UNC5D: variants seen among roughly 807,000 people sequenced by gnomAD.
UNC5D encodes the protein netrin receptor UNC5D.
Under a neutral mutation model 105.4 loss-of-function variants are expected in UNC5D, and 39 were observed. That is an observed-to-expected ratio of 0.37 (90% confidence interval 0.29 to 0.48). UNC5D has a LOEUF of 0.48. Ranked by LOEUF, UNC5D falls within the 20% of genes least tolerant of loss-of-function variation. The pLI is 0.98. For missense variants in UNC5D, 991 were observed against 1,202.4 expected (o/e 0.82, Z 2.60); for synonymous variants, 452 against 450.4 (o/e 1.00, Z -0.04).
intron 11 of UNC5D, among the ~76,000 whole-genome samples, chr8:35,732,055 C>T (rs1299777048): frequency 6.6e-6 from 1 of 152,182 alleles, no homozygotes; most frequent in African/African-American, 2.4e-5. Context: ...AAAGCAATTT[C>T]TCTCATAAAC....
chr8:35,329,187 A>G (rs542794040), intron 1 of UNC5D, among the ~76,000 whole-genome samples: 1 of 152,270 alleles, frequency 6.6e-6, no homozygotes, highest in East Asian at 1.9e-4. Flanking sequence ...CAGAGAGGTT[A>G]AATAACATGC....
chr8:35,463,773 A>G (rs1045490921), intron 1 of UNC5D, among the ~76,000 whole-genome samples: 2 of 151,692 alleles, frequency 1.3e-5, no homozygotes, highest in Non-Finnish European at 2.9e-5. Context: ...CCTGGGCAAC[A>G]GAGCAATAAC....
intron 1 of UNC5D, among the ~76,000 whole-genome samples, chr8:35,409,019 A>G (rs1028954189): frequency 6.6e-6 from 1 of 152,150 alleles, no homozygotes; most frequent in African/African-American, 2.4e-5. Context: ...CTTATAAATA[A>G]ATCACACAGT....
chr8:35,474,902 C>T (rs1437114043), intron 1 of UNC5D, among the ~76,000 whole-genome samples: 2 of 152,140 alleles, frequency 1.3e-5, no homozygotes, highest in African/African-American at 2.4e-5. Flanking sequence ...TCATGCACAT[C>T]CCCTTAGGTG....
intron 1 of UNC5D, among the ~76,000 whole-genome samples, chr8:35,290,329 A>G (rs1806949158): frequency 6.6e-6 from 1 of 152,158 alleles, no homozygotes; most frequent in African/African-American, 2.4e-5. Context: ...AAAAGGGGAA[A>G]ATGCTGTCAC....
Position 35,726,549 on chromosome 8 carries a change from TTG to T in UNC5D, c.1681+24_1681+25del. On this transcript the variant is annotated intron_variant, in intron 10 of 16. Transcript: ENST00000404895. ...ATACAGGTGGGTGGTAAGTGTGTGT[TTG>T]TGTATTTTCCATCATTTAAATGTTT... 6.2e-7 allele frequency: 1 copy of T among 1,602,872 alleles called. No individual in the cohort carries two copies. The highest frequency in any genetic ancestry group is 1.1e-5 in the South Asian group (1 of 90,700).
intron 7 of UNC5D, among the ~76,000 whole-genome samples, chr8:35,696,797 C>A (rs1406538784): frequency 6.6e-6 from 1 of 152,108 alleles, no homozygotes; most frequent in African/African-American, 2.4e-5. Flanking sequence ...ATTAACCCTG[C>A]CCTTCCCCAT....
intron 1 of UNC5D, among the ~76,000 whole-genome samples, chr8:35,493,968 A>G (rs1230921367): frequency 2.6e-5 from 4 of 152,194 alleles, no homozygotes; most frequent in African/African-American, 9.6e-5. Flanking sequence ...TTTTAAAATA[A>G]CCAATATTTG....
chr8:35,462,094 A>G (rs188479155), intron 1 of UNC5D, among the ~76,000 whole-genome samples: 242 of 152,264 alleles, frequency 1.6e-3, no homozygotes, highest in African/African-American at 5.6e-3. Context: ...TTCATTTTGA[A>G]TATTAGTATT....
intron 1 of UNC5D, among the ~76,000 whole-genome samples, chr8:35,402,165 T>C (rs779659574): frequency 6.6e-6 from 1 of 152,208 alleles, no homozygotes; most frequent in East Asian, 1.9e-4. Flanking sequence ...CTTTATTTCA[T>C]TTATCTGTCA....
intron 1 of UNC5D, among the ~76,000 whole-genome samples, chr8:35,520,707 T>C (rs1392798081): frequency 6.6e-6 from 1 of 151,818 alleles, no homozygotes; most frequent in Non-Finnish European, 1.5e-5. Context: ...CATGAACATA[T>C]AAAGGAGGGA....
At chr8:35,239,323 G>T (rs543129964) in intron 1 of UNC5D, among the ~76,000 whole-genome samples, 7 of 152,080 alleles carry the variant, frequency 4.6e-5, no homozygotes, top group African/African-American at 7.2e-5. Context: ...TCTACACTGC[G>T]CTGTCTTATT....
intron 1 of UNC5D, among the ~76,000 whole-genome samples, chr8:35,384,561 A>G (rs534784629): frequency 6.6e-6 from 1 of 152,288 alleles, no homozygotes; most frequent in South Asian, 2.1e-4. Flanking sequence ...TCATTCCCCT[A>G]AACCCTTATG....
intron 1 of UNC5D, among the ~76,000 whole-genome samples, chr8:35,468,832 G>A (rs1479541212): frequency 6.6e-6 from 1 of 152,184 alleles, no homozygotes; most frequent in Non-Finnish European, 1.5e-5. Context: ...GGACAATGCT[G>A]ATGACTTTTT....
chr8:35,745,523 A>G (rs1829957129), intron 11 of UNC5D, among the ~76,000 whole-genome samples: 1 of 152,228 alleles, frequency 6.6e-6, no homozygotes, highest in Non-Finnish European at 1.5e-5. Flanking sequence ...TGAGAATTTA[A>G]GTCAAAGCGT....
chr8:35,474,986 TA>T (rs1809985008), intron 1 of UNC5D, among the ~76,000 whole-genome samples: 1 of 151,994 alleles, frequency 6.6e-6, no homozygotes, highest in Non-Finnish European at 1.5e-5. Flanking sequence ...CCTGGGAGGG[TA>T]CATTGTGAAA....
chr8:35,251,862 T>C (rs986193567), intron 1 of UNC5D, among the ~76,000 whole-genome samples: 16 of 152,044 alleles, frequency 1.1e-4, no homozygotes, highest in African/African-American at 3.9e-4. Context: ...TCATACGGAG[T>C]AGGGTGAGGC....
chr8:35,318,044 A>C (rs1478666405), intron 1 of UNC5D, among the ~76,000 whole-genome samples: 1 of 151,968 alleles, frequency 6.6e-6, no homozygotes, highest in African/African-American at 2.4e-5. Context: ...TGCATAAGAG[A>C]TACTCTGTCT....
intron 14 of UNC5D, among the ~76,000 whole-genome samples, chr8:35,762,523 A>G (rs1801582762): frequency 6.6e-6 from 1 of 152,136 alleles, no homozygotes. Context: ...TAAACAATTC[A>G]TTATTTCCCA....
Sources: allele counts gnomAD v4.1 joint callset (sites outside exome capture counted in the v4.1 genomes callset), GRCh38; gene constraint gnomAD v4.1.1; transcripts MANE v1.5; gene names NCBI Gene and HGNC (gene_info 2026-07-23, HGNC 2026-07-21).